The following SLC44A3 variants were observed in gnomAD, a reference collection of about 807,000 sequenced individuals.
SLC44A3 encodes the protein solute carrier family 44 member 3, also known as choline transporter-like protein 3.
In SLC44A3, 74 loss-of-function variants were observed where a neutral mutation model predicts 75.4. The observed-to-expected ratio is 0.98, with a 90% CI of 0.81 to 1.19. The LOEUF (loss-of-function observed/expected upper bound fraction) is 1.19. Among genes scored for constraint, SLC44A3 ranks in the 50% most tolerant of loss-of-function variants. SLC44A3 has a pLI of 0.00. For synonymous variants in SLC44A3, 310 were observed against 296.9 expected (o/e 1.04, Z -0.45); for missense variants, 700 against 778.6 (o/e 0.90, Z 1.20).
At chr1:94,825,066 G>T (rs928020899) in intron 3 of SLC44A3, among the ~76,000 whole-genome samples, 1 of 152,082 alleles carries the variant, frequency 6.6e-6, no homozygotes, top group African/African-American at 2.4e-5. Flanking sequence ...TTGTTTCTAC[G>T]TGGAAATACC....
At position 94,820,577 on chromosome 1, in the gene SLC44A3, C is replaced by T. The variant is rs533058810; in HGVS notation, c.27+99C>T. 6 of 1,431,972 alleles carry T rather than the reference C, an allele frequency of 4.2e-6. No homozygotes were observed. The East Asian group carries it at 1.4e-4, about 33-fold the overall frequency. The allele number at this position is 1,431,972 out of a possible 1,614,324, so 88.7% of individuals were successfully genotyped here. On this transcript the variant is annotated intron_variant, in intron 1 of 14. Transcript: ENST00000271227. ...TCCCTGCCGGACGCTTCCGCCTTTC[C>T]CGCGCCTCGGGGATCCCGCCCCCGC...
chr1:94,858,541 C>A (rs1376919610), intron 10 of SLC44A3, among the ~76,000 whole-genome samples: 1 of 152,152 alleles, frequency 6.6e-6, no homozygotes, highest in Non-Finnish European at 1.5e-5. Flanking sequence ...GTTTACTCTT[C>A]ATAGGGCTGA....
At chr1:94,861,903 G>T (rs1198596966) in intron 10 of SLC44A3, among the ~76,000 whole-genome samples, 2 of 152,200 alleles carry the variant, frequency 1.3e-5, no homozygotes, top group Non-Finnish European at 2.9e-5. Flanking sequence ...CTTCAGGGTG[G>T]TGGAGGGACA....
In SLC44A3 at chr1:94,868,575, G is replaced by C. The variant is rs546152298; in HGVS notation, c.1482+1158G>C. Among the ~76,000 whole-genome samples the C allele has an allele frequency of 2.6e-5, 4 of 152,278 alleles. No individual in the cohort carries two copies. In the South Asian group the frequency reaches 8.3e-4, roughly 32 times the overall value. ...AACATATAACAAGTCAGTCCAAACC[G>C]TTTGAATACATTTGTCGTGGTGTAA... On this transcript the variant is annotated intron_variant, in intron 12 of 14. Transcript: ENST00000271227.
chr1:94,870,416 G>A (rs1406056200), intron 12 of SLC44A3, among the ~76,000 whole-genome samples: 11 of 152,186 alleles, frequency 7.2e-5, no homozygotes, highest in African/African-American at 2.2e-4. Context: ...TTATATGACA[G>A]TACAGAAAAG....
At chr1:94,881,703 C>CAAA (rs1178725128) in intron 12 of SLC44A3, among the ~76,000 whole-genome samples, 1 of 126,370 alleles carries the variant, frequency 7.9e-6, no homozygotes. Context: ...GACTCCGTCT[C>CAAA]AAAAAAAAAA....
At chr1:94,838,813 C>G (rs1663168728) in intron 6 of SLC44A3, 1 of 152,208 alleles carries the variant, frequency 6.6e-6, no homozygotes, top group Admixed American at 6.5e-5. Context: ...AAAAAAACCT[C>G]AGGTTATTCC....
intron 8 of SLC44A3, 48 bp from the exon 9 acceptor site, chr1:94,845,230 A>T: frequency 6.5e-7 from 1 of 1,538,436 alleles, no homozygotes; most frequent in Non-Finnish European, 8.8e-7. Flanking sequence ...AGCTCTACCC[A>T]GTTCTCCATT....
In SLC44A3 at chr1:94,837,784, A is replaced by G; in HGVS notation, c.583A>G (p.Ile195Val). The G allele has an allele frequency of 6.2e-7, 1 of 1,612,856 alleles. No individual in the cohort carries two copies. Among genetic ancestry groups the G allele is most frequent in the Non-Finnish European group, 8.5e-7 (1 of 1,179,624 alleles). ...CTACTCCCTATTTGCATCTGTTTTG[A>G]TAAATGATGTTGACACCCTCCACCG... ...ECYSLFASVL[I>V]NDVDTLHRIL... Residue 195 changes from isoleucine (I) to valine (V), a missense_variant, in exon 6 of 15, where the codon ATA becomes GTA. By Grantham distance (29) the Ile-to-Val change is conservative (BLOSUM62 3). Coordinates refer to ENST00000271227, the MANE Select transcript of SLC44A3 (RefSeq NM_001114106.3).
chr1:94,824,551 A>G lies in SLC44A3; in HGVS notation c.194A>G (p.Tyr65Cys). 1 of 1,613,206 alleles carries G rather than the reference A, an allele frequency of 6.2e-7. No individual in the cohort carries two copies. Among genetic ancestry groups the G allele is most frequent in the South Asian group, 1.1e-5 (1 of 90,956 alleles). Residue 65 changes from tyrosine to cysteine, a missense_variant, in exon 3 of 15, where the codon TAT (tyrosine) becomes TGT (cysteine). By Grantham distance (194) the Tyr-to-Cys change is radical (BLOSUM62 -2). Coordinates refer to ENST00000271227, the MANE Select transcript of SLC44A3 (RefSeq NM_001114106.3). ...AGAAGRLLFGYDSFGNMCGKK... is the reference protein window; with the variant it reads ...AGAAGRLLFGCDSFGNMCGKK... ...GCCGCGGGAAGACTCCTCTTTGGCT[A>G]TGACAGCTTTGGCAACATGTGTGGC...
chr1:94,820,510 G>A, intron 1 of SLC44A3, 32 bp downstream of exon 1: 2 of 1,487,136 alleles, frequency 1.3e-6, no homozygotes, highest in Admixed American at 2.1e-5. Context: ...CCTCGGGGGA[G>A]GAGCCCCGGG....
intron 7 of SLC44A3, among the ~76,000 whole-genome samples, chr1:94,840,659 C>A (rs1465386415): frequency 3.3e-5 from 5 of 152,154 alleles, no homozygotes; most frequent in African/African-American, 1.2e-4. Flanking sequence ...GATCCTGTAT[C>A]CATAACGTTA....
At chr1:94,847,947 G>A (rs561152262) in intron 9 of SLC44A3, among the ~76,000 whole-genome samples, 2 of 152,236 alleles carry the variant, frequency 1.3e-5, no homozygotes, top group East Asian at 3.9e-4. Context: ...GGCCTCTTTA[G>A]GCCGGGTGCA....
At chr1:94,861,773 A>C (rs1248929089) in intron 10 of SLC44A3, among the ~76,000 whole-genome samples, 3 of 152,220 alleles carry the variant, frequency 2.0e-5, no homozygotes, top group Admixed American at 1.3e-4. Flanking sequence ...TACAAATACC[A>C]TCAGGTACCA....
chr1:94,847,458 TATC>T (rs1012007645), intron 9 of SLC44A3, among the ~76,000 whole-genome samples: 1 of 151,984 alleles, frequency 6.6e-6, no homozygotes, highest in Non-Finnish European at 1.5e-5. Context: ...TAGCAGTGCT[TATC>T]TGCAAGGGAC....
intron 10 of SLC44A3, among the ~76,000 whole-genome samples, chr1:94,859,104 G>A (rs541821894): frequency 9.2e-5 from 14 of 152,162 alleles, no homozygotes; most frequent in Non-Finnish European, 1.3e-4. Flanking sequence ...AAGCAGCCGG[G>A]GGTGGGTTGT....
At chr1:94,871,677 C>T (rs1667777349) in intron 12 of SLC44A3, among the ~76,000 whole-genome samples, 1 of 152,240 alleles carries the variant, frequency 6.6e-6, no homozygotes, top group Non-Finnish European at 1.5e-5. Flanking sequence ...CCCCAGGACT[C>T]TTCCTGATGG....
chr1:94,827,478 C>T, intron 3 of SLC44A3, 29 bp from the exon 4 acceptor site: 2 of 1,613,866 alleles, frequency 1.2e-6, no homozygotes, highest in Non-Finnish European at 1.7e-6. Flanking sequence ...AATGCTCTAA[C>T]ACATTCTTCT....
chr1:94,847,932 A>G (rs1279565435), intron 9 of SLC44A3, among the ~76,000 whole-genome samples: 1 of 152,184 alleles, frequency 6.6e-6, no homozygotes, highest in African/African-American at 2.4e-5. Flanking sequence ...TAGGAAATAA[A>G]AATAGGCCTC....
Sources: allele counts gnomAD v4.1 joint callset (sites outside exome capture counted in the v4.1 genomes callset), GRCh38; gene constraint gnomAD v4.1.1; transcripts MANE v1.5; gene names NCBI Gene and HGNC (gene_info 2026-07-23, HGNC 2026-07-21).